The following DPP10 variants were observed in gnomAD, a reference collection of about 807,000 sequenced individuals.
DPP10 encodes dipeptidyl peptidase like 10.
Under a neutral mutation model 120.9 loss-of-function variants are expected in DPP10, and 33 were observed. The observed-to-expected ratio is 0.27, with a 90% confidence interval of 0.21 to 0.37. The LOEUF (loss-of-function observed/expected upper bound fraction) is 0.37, where lower values mean the gene tolerates loss of function less well. Among genes scored for constraint, DPP10 ranks in the 10% least tolerant of loss-of-function variants. DPP10 has a pLI of 1.00. For missense variants in DPP10, 816 were observed against 942.8 expected, an observed-to-expected ratio of 0.87 and a Z score of 1.76; for synonymous variants, 337 against 326.1, an observed-to-expected ratio of 1.03 and a Z score of -0.36.
intron 1 of DPP10, among the ~76,000 whole-genome samples, chr2:114,965,465 A>G (rs1698942634): frequency 6.6e-6 from 1 of 152,174 alleles, no homozygotes; most frequent in African/African-American, 2.4e-5. Context: ...TAGTAGAGGC[A>G]TATTAAACAT....
chr2:114,998,721 A>C (rs1343465411), intron 1 of DPP10, among the ~76,000 whole-genome samples: 1 of 152,212 alleles, frequency 6.6e-6, no homozygotes. Context: ...AAGACCAAGG[A>C]GTCATTTCCA....
At chr2:115,225,560 T>A (rs1047160793) in intron 1 of DPP10, among the ~76,000 whole-genome samples, 19 of 151,732 alleles carry the variant, frequency 1.3e-4, no homozygotes, top group Non-Finnish European at 2.8e-4. Context: ...TCAGGGAAGT[T>A]TACTGAGCTG....
intron 1 of DPP10, among the ~76,000 whole-genome samples, chr2:114,940,133 A>G (rs1387006819): frequency 6.6e-6 from 1 of 152,156 alleles, no homozygotes; most frequent in Non-Finnish European, 1.5e-5. Flanking sequence ...ACGTGTGTGT[A>G]ACAATTATTT....
rs77729118 is a variant in DPP10, at chr2:115,064,584, G to A, written c.61-244655G>A. Reference sequence around the variant, plus strand: ...ACCCACCCCTACACACACATATTTCGGTTGGACATAGGTGGGCACTGACGT... The same window carrying A: ...ACCCACCCCTACACACACATATTTCAGTTGGACATAGGTGGGCACTGACGT... On this transcript the variant is annotated intron_variant, in intron 1 of 25. Transcript: ENST00000410059. The A allele has an allele frequency of 4.1e-5, 48 of 1,162,708 alleles. No individual in the cohort carries two copies. The East Asian group carries it at 1.5e-3, about 36-fold the overall frequency. The allele number at this position is 1,162,708 out of a possible 1,614,324, so 72.0% of individuals were successfully genotyped here. A position where few individuals can be genotyped will look rare whatever the true frequency, so the allele number is the denominator to read the frequency against.
intron 1 of DPP10, among the ~76,000 whole-genome samples, chr2:114,531,284 G>A (rs1685958093): frequency 6.6e-6 from 1 of 152,016 alleles, no homozygotes; most frequent in South Asian, 2.1e-4. Context: ...GTCACTCATA[G>A]AAGTCTTTCC....
chr2:115,681,131 G>A lies in DPP10; in HGVS notation c.442-8556G>A, dbSNP rs183800299. Among the ~76,000 whole-genome samples, 54 of 151,868 alleles carry A rather than the reference G, an allele frequency of 3.6e-4. No homozygotes were observed. The South Asian group carries it at 5.4e-3, about 15-fold the overall frequency. On this transcript the variant is annotated intron_variant, in intron 5 of 25. Coordinates refer to ENST00000410059, the MANE Select transcript of DPP10 (RefSeq NM_020868.6). ...TGTAGGACTATAAATTGTTTTAGCC[G>A]TAGTAAAAAATGACTGGTAATAGGA...
At chr2:114,897,825 A>G (rs1024141971) in intron 1 of DPP10, among the ~76,000 whole-genome samples, 4 of 152,194 alleles carry the variant, frequency 2.6e-5, no homozygotes, top group Non-Finnish European at 4.4e-5. Flanking sequence ...TTAGAATGGC[A>G]ATCATTAAAA....
At chr2:114,723,518 A>C (rs1701840365) in intron 1 of DPP10, among the ~76,000 whole-genome samples, 1 of 152,200 alleles carries the variant, frequency 6.6e-6, no homozygotes, top group South Asian at 2.1e-4. Flanking sequence ...CTCTATAATA[A>C]AAAGTAAGAA....
chr2:114,462,181 A>G (rs1394431335), intron 1 of DPP10: 5 of 983,398 alleles, frequency 5.1e-6, no homozygotes, highest in Non-Finnish European at 6.0e-6. Flanking sequence ...AAGTCTTAGA[A>G]TAGTTTGATA....
chr2:114,917,018 G>A (rs186181283), intron 1 of DPP10, among the ~76,000 whole-genome samples: 11 of 152,168 alleles, frequency 7.2e-5, no homozygotes, highest in African/African-American at 2.4e-4. Flanking sequence ...AGGAAGAGAC[G>A]AAGTCAAACC....
intron 1 of DPP10, among the ~76,000 whole-genome samples, chr2:114,733,766 T>A (rs1254176132): frequency 6.6e-6 from 1 of 152,200 alleles, no homozygotes; most frequent in Non-Finnish European, 1.5e-5. Flanking sequence ...TGTTTTCAAA[T>A]GTAATTATTA....
At chr2:115,190,207 C>T (rs139158219) in intron 1 of DPP10, among the ~76,000 whole-genome samples, 2 of 152,238 alleles carry the variant, frequency 1.3e-5, no homozygotes, top group Admixed American at 6.5e-5. Flanking sequence ...TTAATTGTCA[C>T]CCACCAAAAT....
At chr2:115,592,756 A>G (rs981522950) in intron 5 of DPP10, among the ~76,000 whole-genome samples, 8 of 151,766 alleles carry the variant, frequency 5.3e-5, no homozygotes, top group African/African-American at 1.9e-4. Flanking sequence ...CTCGGTCTCA[A>G]AAACAAAAAA....
intron 1 of DPP10, among the ~76,000 whole-genome samples, chr2:114,750,622 C>A (rs559707243): frequency 1.3e-5 from 2 of 152,174 alleles, no homozygotes; most frequent in East Asian, 3.9e-4. Flanking sequence ...CGTGAGCCAC[C>A]GCTCCCAGCC....
At chr2:115,726,789 G>A (rs1373307160) in intron 7 of DPP10, among the ~76,000 whole-genome samples, 1 of 152,052 alleles carries the variant, frequency 6.6e-6, no homozygotes, top group South Asian at 2.1e-4. Flanking sequence ...AAAACCTAGG[G>A]CCTCGTAAGT....
intron 1 of DPP10, among the ~76,000 whole-genome samples, chr2:115,140,392 T>C (rs2050864271): frequency 6.6e-6 from 1 of 152,060 alleles, no homozygotes; most frequent in Admixed American, 6.6e-5. Context: ...AGGAGGATGA[T>C]GGAAGATGAT....
chr2:114,528,344 C>G (rs973283467), intron 1 of DPP10, among the ~76,000 whole-genome samples: 2 of 152,122 alleles, frequency 1.3e-5, no homozygotes, highest in African/African-American at 4.8e-5. Flanking sequence ...TATGCATAGG[C>G]ACAGTGCCTT....
chr2:114,655,859 G>A (rs1696929612), intron 1 of DPP10, among the ~76,000 whole-genome samples: 1 of 152,078 alleles, frequency 6.6e-6, no homozygotes, highest in Non-Finnish European at 1.5e-5. Context: ...TTTTAAATGA[G>A]CAATTCCATT....
chr2:115,162,323 A>G, intron 1 of DPP10: 1 of 1,469,450 alleles, frequency 6.8e-7, no homozygotes, highest in Non-Finnish European at 9.0e-7. Context: ...CCACCGAGGG[A>G]GGGAGAGGCG....
Sources: allele counts gnomAD v4.1 joint callset (sites outside exome capture counted in the v4.1 genomes callset), GRCh38; gene constraint gnomAD v4.1.1; transcripts MANE v1.5; gene names NCBI Gene and HGNC (gene_info 2026-07-23, HGNC 2026-07-21).